Variants in NUP58 observed in about 807,000 individuals in gnomAD.
The protein encoded by NUP58 is nucleoporin 58.
Under a neutral mutation model 70.1 loss-of-function variants are expected in NUP58, and 17 were observed. The ratio of observed to expected loss-of-function variants is 0.24; its 90% CI spans 0.17 to 0.36. The LOEUF (loss-of-function observed/expected upper bound fraction) is 0.36. Ranked by LOEUF, NUP58 falls within the 10% of genes least tolerant of loss-of-function variation. The pLI is 1.00. For synonymous variants in NUP58, 275 were observed against 257.6 expected, an observed-to-expected ratio of 1.07 and a Z score of -0.65; for missense variants, 644 against 701.5, an observed-to-expected ratio of 0.92 and a Z score of 0.93.
Position 25,326,990 on chromosome 13 carries a change from A to G in NUP58, c.1106A>G (p.Asn369Ser). The G allele has an allele frequency of 4.4e-6, 7 of 1,606,372 alleles. No individual in the cohort carries two copies. The highest frequency in any genetic ancestry group is 6.0e-6 in the Non-Finnish European group (7 of 1,175,778). ...QYRQQIEELE[N>S]HLATQANNSH... The stretch of plus-strand genomic sequence containing the variant: ...AGGCAGCAGATTGAAGAACTAGAAA[A>G]CCATCTTGCCACTCAAGCAAATAAT... The change falls in exon 11 of 16, where the codon AAC (asparagine) becomes AGC (serine). Residue 369 changes from asparagine to serine, a missense_variant. Coordinates refer to ENST00000381736, the MANE Select transcript of NUP58 (RefSeq NM_014089.4).
chr13:25,307,306 G>A (rs1020017438), intron 1 of NUP58, among the ~76,000 whole-genome samples: 21 of 138,070 alleles, frequency 1.5e-4, no homozygotes, highest in South Asian at 4.9e-4. Context: ...CCTGCCTCCC[G>A]GGTTCAAGCA....
At chr13:25,308,512 G>T (rs959783081) in intron 2 of NUP58, among the ~76,000 whole-genome samples, 1 of 149,782 alleles carries the variant, frequency 6.7e-6, no homozygotes, top group African/African-American at 2.5e-5. Context: ...TTGTAGAGAA[G>T]AGGTCTCCTC....
chr13:25,309,236 T>C lies in NUP58; in HGVS notation c.251-11T>C, dbSNP rs766254140. The C allele has an allele frequency of 1.8e-5, 28 of 1,597,176 alleles. No individual in the cohort carries two copies. Among genetic ancestry groups the C allele is most frequent in the Non-Finnish European group, 2.2e-5 (26 of 1,165,516 alleles). On this transcript the variant is annotated splice_polypyrimidine_tract_variant and intron_variant, in intron 2 of 15. Transcript: ENST00000381736. ...TTGATGATTAAATTTTATTTCTCTT[T>C]TTGTCCCCAGGAATAGCAACAACTA...
intron 13 of NUP58, chr13:25,332,289 AATTAGAGAAAC>A: frequency 2.0e-6 from 2 of 985,466 alleles, no homozygotes; most frequent in Non-Finnish European, 2.4e-6. Flanking sequence ...TTACACTTCT[AATTAGAGAAAC>A]ATTTTTTGTG....
chr13:25,335,009 A>C, intron 13 of NUP58: 1 of 985,276 alleles, frequency 1.0e-6, no homozygotes, highest in Non-Finnish European at 1.2e-6. Context: ...CTGCTTTCTA[A>C]TAGTGAAACT....
At chr13:25,317,162 C>T (rs935007868) in intron 6 of NUP58, among the ~76,000 whole-genome samples, 4 of 151,968 alleles carry the variant, frequency 2.6e-5, no homozygotes, top group African/African-American at 7.3e-5. Flanking sequence ...GAGGGGACAG[C>T]GTCAAGTGAG....
intron 5 of NUP58, among the ~76,000 whole-genome samples, 189 bp downstream of exon 5, chr13:25,313,940 T>G (rs2030803651): frequency 6.6e-6 from 1 of 152,174 alleles, no homozygotes; most frequent in African/African-American, 2.4e-5. Flanking sequence ...ATTTATTTAT[T>G]TATTTTGAGA....
intron 1 of NUP58, among the ~76,000 whole-genome samples, chr13:25,304,478 T>TATATA (rs1433159616): frequency 6.4e-4 from 53 of 83,422 alleles, no homozygotes; most frequent in Non-Finnish European, 9.8e-4. Context: ...GTTGTCAAGA[T>TATATA]TATATATATA....
At chr13:25,333,239 C>T in intron 13 of NUP58, 1 of 985,296 alleles carries the variant, frequency 1.0e-6, no homozygotes, top group Non-Finnish European at 1.2e-6. Flanking sequence ...TGTTCATTCT[C>T]TAAATGAGTG....
At position 25,312,952 on chromosome 13, in the gene NUP58, C is replaced by T. The variant is rs2137742382; in HGVS notation, c.356C>T (p.Ala119Val). 6.2e-7 allele frequency: 1 copy of T among 1,614,120 alleles called. No individual in the cohort carries two copies. Among genetic ancestry groups the T allele is most frequent in the Non-Finnish European group, 8.5e-7 (1 of 1,179,980 alleles). Residue 119 changes from alanine to valine, a missense_variant, in exon 4 of 16, where the codon GCC becomes GTC. By Grantham distance (64) the Ala-to-Val change is moderately conservative. This residue lies in a region of NUP58 where 430 missense variants were observed against 409.2 expected (regional missense o/e 1.05). Coordinates refer to ENST00000381736, the MANE Select transcript of NUP58 (RefSeq NM_014089.4). ...GGATTCAATAAACCTGCAGCATCTGCCACACCATTTGCTCTACCTATTACC... is the reference window on the plus strand; with the variant it reads ...GGATTCAATAAACCTGCAGCATCTGTCACACCATTTGCTCTACCTATTACC... The part of the protein sequence containing the change: ...SLGFNKPAAS[A>V]TPFALPITST...
At chr13:25,336,513 G>A (rs887468494) in intron 13 of NUP58, among the ~76,000 whole-genome samples, 1 of 151,744 alleles carries the variant, frequency 6.6e-6, no homozygotes, top group African/African-American at 2.4e-5. Context: ...TAAGGAGCTC[G>A]ATTAAAAAAA....
chr13:25,327,723 T>C (rs879054187), intron 12 of NUP58, among the ~76,000 whole-genome samples: 7 of 152,224 alleles, frequency 4.6e-5, no homozygotes, highest in Admixed American at 1.3e-4. Flanking sequence ...TAGTCTGTTA[T>C]TATAACTTTT....
At chr13:25,337,367 A>T (rs892691679) in intron 14 of NUP58, among the ~76,000 whole-genome samples, 1 of 151,988 alleles carries the variant, frequency 6.6e-6, no homozygotes, top group African/African-American at 2.4e-5. Context: ...TCTTAATGTT[A>T]GTTTGGAGTC....
intron 1 of NUP58, among the ~76,000 whole-genome samples, chr13:25,306,393 CAAAA>C (rs1030000370): frequency 3.6e-5 from 2 of 55,510 alleles, no homozygotes; most frequent in Non-Finnish European, 8.2e-5. Flanking sequence ...GACTCCGTCT[CAAAA>C]AAAAAAAAAA....
chr13:25,348,003 C>G (rs892035278), intron 3 of NUP58, among the ~76,000 whole-genome samples: 8 of 152,130 alleles, frequency 5.3e-5, no homozygotes, highest in African/African-American at 1.9e-4. Context: ...CTATTATAAT[C>G]CAACAAGGGA....
At chr13:25,313,508 C>G (rs2030776032) in intron 4 of NUP58, 106 bp from the exon 5 acceptor site, 2 of 1,080,330 alleles carry the variant, frequency 1.9e-6, no homozygotes, top group Non-Finnish European at 1.3e-6. Context: ...TTCCAAAGAG[C>G]CAATTTTATC....
intron 8 of NUP58, 132 bp from the exon 9 acceptor site, chr13:25,320,787 A>G: frequency 2.7e-6 from 2 of 739,374 alleles, no homozygotes; most frequent in South Asian, 4.4e-5. Context: ...CCATTCTGTA[A>G]AAAAGTGTGA....
chr13:25,345,602 C>A (rs1395331906), downstream of NUP58, among the ~76,000 whole-genome samples: 2 of 152,030 alleles, frequency 1.3e-5, no homozygotes, highest in African/African-American at 4.8e-5. Context: ...GGTCTGTCCA[C>A]CTTGGAAAAG....
In NUP58 at chr13:25,324,978, T is replaced by A; in HGVS notation, c.952-11T>A. ...CTTTTTTTTTTTTTTTTAAATCCTC[T>A]GGTATATTAGGAGTTGAAGAATGCT... On this transcript the variant is annotated splice_polypyrimidine_tract_variant and intron_variant, in intron 9 of 15. Coordinates refer to ENST00000381736, the MANE Select transcript of NUP58 (RefSeq NM_014089.4). 1 of 1,468,574 alleles carries A rather than the reference T, an allele frequency of 6.8e-7. No individual in the cohort carries two copies. The highest frequency in any genetic ancestry group is 9.3e-7 in the Non-Finnish European group (1 of 1,074,300). 91.0% of individuals were successfully genotyped at this position (1,468,574 alleles called of 1,614,324 possible).
Sources: allele counts gnomAD v4.1 joint callset (sites outside exome capture counted in the v4.1 genomes callset), GRCh38; gene constraint gnomAD v4.1.1; regional missense constraint gnomAD v4.1.1; transcripts MANE v1.5; gene names NCBI Gene and HGNC (gene_info 2026-07-23, HGNC 2026-07-21).